RCAN1: variants seen among roughly 807,000 people sequenced by gnomAD.
RCAN1 encodes the protein calcipressin-1.
RCAN1 carries 11 observed loss-of-function variants against 22.9 expected under a neutral mutation model. That is an observed-to-expected ratio of 0.48 (90% CI 0.30 to 0.79). The LOEUF (loss-of-function observed/expected upper bound fraction) is 0.79, where lower values mean the gene tolerates loss of function less well. RCAN1 is among the 30% of genes least tolerant of loss of function. The probability of loss-of-function intolerance (pLI) is 0.06; values close to 1 mark genes in which losing one functional copy is unlikely to be tolerated. For missense variants in RCAN1, 291 were observed against 337.8 expected, an observed-to-expected ratio of 0.86 and a Z score of 1.09; for synonymous variants, 136 against 142.3, an observed-to-expected ratio of 0.96 and a Z score of 0.32.
At chr21:34,544,819 G>A (rs9636618) in intron 1 of RCAN1, among the ~76,000 whole-genome samples, 36,497 of 151,900 alleles carry the variant, frequency 0.24, 5,065 homozygotes, top group African/African-American at 0.39. Context: ...ACATGGGACG[G>A]GGCTGTAAGT....
In RCAN1 at chr21:34,518,393, T is replaced by A. The variant is rs1355257145; in HGVS notation, c.587-137A>T. 3.4e-6 allele frequency: 3 copies of A among 884,144 alleles called. No individual in the cohort carries two copies. The East Asian group carries it at 8.0e-5, about 24-fold the overall frequency. 54.8% of individuals were successfully genotyped at this position (884,144 alleles called of 1,614,324 possible). On this transcript the variant is annotated intron_variant, in intron 3 of 3. Transcript: ENST00000313806. The surrounding 1 kb of genome is among the most constrained non-coding windows in gnomAD (Gnocchi z 4.2). ...TTGGGCTGAGAGACACAGCCAGACATATTTTGGGTTTGTATTTCTTTGCTA... is the reference window on the plus strand; with the variant it reads ...TTGGGCTGAGAGACACAGCCAGACAAATTTTGGGTTTGTATTTCTTTGCTA...
In RCAN1 at chr21:34,517,231, G is replaced by A. The variant is rs1984103574; in HGVS notation, c.*853C>T. 1 of 152,234 alleles carries A rather than the reference G, an allele frequency of 6.6e-6. No homozygotes were observed. Among genetic ancestry groups the A allele is most frequent in the Non-Finnish European group, 1.5e-5 (1 of 68,046 alleles). The allele number at this position is 152,234 out of a possible 1,614,324, so 9.4% of individuals were successfully genotyped here. A position where few individuals can be genotyped will look rare whatever the true frequency, so the allele number is the denominator to read the frequency against. ...CCACATAAAAGAAACAACAGAAACT[G>A]AGGTCCGATCCCAAACACCTAAACT... On this transcript the variant is annotated 3_prime_UTR_variant, in exon 4 of 4. Transcript: ENST00000313806.
At chr21:34,586,908 C>T (rs571682583) in intron 1 of RCAN1, among the ~76,000 whole-genome samples, 2 of 151,654 alleles carry the variant, frequency 1.3e-5, no homozygotes, top group Non-Finnish European at 2.9e-5. Flanking sequence ...GAGTTGAGAT[C>T]GCACCATTGC....
Position 34,613,863 on chromosome 21 carries a change from C to T in RCAN1, c.252+897G>A, listed in dbSNP as rs750989028. The T allele has an allele frequency of 2.2e-5, 32 of 1,429,932 alleles. No homozygotes were observed. The Middle Eastern group carries it at 5.5e-4, about 24-fold the overall frequency. The allele number at this position is 1,429,932 out of a possible 1,614,324, so 88.6% of individuals were successfully genotyped here. On this transcript the variant is annotated intron_variant, in intron 1 of 3. Coordinates refer to ENST00000313806, the MANE Select transcript of RCAN1 (RefSeq NM_004414.7). ...TAGTTCATTGACAGCATTTGTGGAC[C>T]CACAGCCAAGCGCTGAAAGCACTGC... is the stretch of plus-strand genomic sequence containing the variant.
At chr21:34,533,092 C>T (rs1985495738) in intron 1 of RCAN1, among the ~76,000 whole-genome samples, 2 of 151,428 alleles carry the variant, frequency 1.3e-5, no homozygotes, top group African/African-American at 2.4e-5. Flanking sequence ...TCCCGAGTAG[C>T]TGGGACTACA....
intron 1 of RCAN1, among the ~76,000 whole-genome samples, chr21:34,561,953 G>A (rs117333609): frequency 4.6e-5 from 7 of 152,200 alleles, no homozygotes; most frequent in East Asian, 3.9e-4. Context: ...CTTCTCATTC[G>A]GAGACTACCC....
At chr21:34,605,183 T>C (rs1217501047) in intron 1 of RCAN1, among the ~76,000 whole-genome samples, 1 of 152,216 alleles carries the variant, frequency 6.6e-6, no homozygotes, top group East Asian at 1.9e-4. Context: ...TCTAATCAGC[T>C]GTCAGAATAA....
At chr21:34,604,083 G>A (rs966629056) in intron 1 of RCAN1, among the ~76,000 whole-genome samples, 4 of 152,176 alleles carry the variant, frequency 2.6e-5, no homozygotes, top group Admixed American at 2.0e-4. Context: ...GGCCTTGTGA[G>A]GCTATTTTTG....
At chr21:34,563,623 C>T (rs1032124399) in intron 1 of RCAN1, among the ~76,000 whole-genome samples, 8 of 151,252 alleles carry the variant, frequency 5.3e-5, no homozygotes, top group African/African-American at 1.5e-4. Flanking sequence ...GAGAACTGCC[C>T]AATGGCCAGG....
rs547375862 is a variant in RCAN1 at position 34,535,998 on chromosome 21, C to T, written c.253-12288G>A. On this transcript the variant is annotated intron_variant, in intron 1 of 3. Coordinates refer to ENST00000313806, the MANE Select transcript of RCAN1 (RefSeq NM_004414.7). The stretch of plus-strand genomic sequence containing the variant: ...CAAATGTACATCTTAAGACTGAGGT[C>T]ACAGTTCATACTAGATTTCATCTTG... Among the ~76,000 whole-genome samples the T allele has an allele frequency of 3.9e-5, 6 of 152,104 alleles. No homozygotes were observed. In the East Asian group the frequency reaches 7.7e-4, roughly 20 times the overall value.
chr21:34,533,121 C>T (rs954957998), intron 1 of RCAN1, among the ~76,000 whole-genome samples: 130 of 151,712 alleles, frequency 8.6e-4, no homozygotes, highest in Non-Finnish European at 1.4e-3. Flanking sequence ...CCACCACGCC[C>T]GGCTAATTTT....
At chr21:34,551,430 AATAAAGTAACC>A (rs1986362655) in intron 1 of RCAN1, among the ~76,000 whole-genome samples, 1 of 152,240 alleles carries the variant, frequency 6.6e-6, no homozygotes, top group African/African-American at 2.4e-5. Flanking sequence ...ATTCCATGGT[AATAAAGTAACC>A]AATTAAATAT....
intron 1 of RCAN1, among the ~76,000 whole-genome samples, chr21:34,599,049 G>A (rs1201578362): frequency 1.3e-5 from 2 of 152,154 alleles, no homozygotes; most frequent in African/African-American, 2.4e-5. Context: ...GCGATGCTGG[G>A]GGTAATACAT....
chr21:34,608,961 G>C (rs1193181075), intron 1 of RCAN1, among the ~76,000 whole-genome samples: 1 of 152,144 alleles, frequency 6.6e-6, no homozygotes. Context: ...AGACTTCACT[G>C]GGGAATGTGA....
chr21:34,613,479 T>A (rs1988734134), intron 1 of RCAN1, among the ~76,000 whole-genome samples: 1 of 152,198 alleles, frequency 6.6e-6, no homozygotes, highest in African/African-American at 2.4e-5. Context: ...ACAACACAAT[T>A]TCAGGATTGT....
chr21:34,578,470 A>C (rs1037008125), intron 1 of RCAN1, among the ~76,000 whole-genome samples: 1 of 152,124 alleles, frequency 6.6e-6, no homozygotes, highest in Admixed American at 6.5e-5. Flanking sequence ...TATTCTTATC[A>C]TCTCTCCACT....
intron 1 of RCAN1, among the ~76,000 whole-genome samples, chr21:34,530,116 T>C (rs1985300188): frequency 6.6e-6 from 1 of 152,186 alleles, no homozygotes; most frequent in Non-Finnish European, 1.5e-5. Context: ...ATAGTCTCAT[T>C]AGAGCTCTTG....
chr21:34,600,769 T>G (rs1168733551), intron 1 of RCAN1, among the ~76,000 whole-genome samples: 1 of 152,214 alleles, frequency 6.6e-6, no homozygotes, highest in Non-Finnish European at 1.5e-5. Flanking sequence ...CATTTCACAT[T>G]AAAACATCCT....
chr21:34,546,036 G>T (rs142722376), intron 1 of RCAN1, among the ~76,000 whole-genome samples: 38 of 152,118 alleles, frequency 2.5e-4, no homozygotes, highest in Admixed American at 2.4e-3. Context: ...GTTGAAAAAC[G>T]CTCATAGAAA....
Sources: gnomAD v4.1 joint callset for allele counts (sites outside exome capture counted in the v4.1 genomes callset) on GRCh38, gnomAD v4.1.1 for gene constraint, Gnocchi (gnomAD v3.1) non-coding constraint, MANE v1.5 for transcripts, NCBI Gene and HGNC (gene_info 2026-07-23, HGNC 2026-07-21) for gene names.